The following CLCN5 variants were observed in gnomAD, a reference collection of about 807,000 sequenced individuals.
CLCN5 encodes H(+)/Cl(-) exchange transporter 5.
A neutral mutation model predicts 54.0 loss-of-function variants in CLCN5; 17 were observed. The ratio of observed to expected loss-of-function variants is 0.31; its 90% CI spans 0.22 to 0.47. The LOEUF is 0.47. CLCN5 is among the 20% of genes least tolerant of loss of function. The pLI, the probability that CLCN5 is intolerant of heterozygous loss-of-function variation, is 1.00. For missense variants in CLCN5, 448 were observed against 646.7 expected, an observed-to-expected ratio of 0.69 and a Z score of 3.33; for synonymous variants, 222 against 233.0, an observed-to-expected ratio of 0.95 and a Z score of 0.43.
intron 3 of CLCN5, among the ~76,000 whole-genome samples, chrX:49,998,570 G>C (rs1237878427): frequency 9.0e-6 from 1 of 111,336 alleles, no homozygotes; most frequent in East Asian, 2.8e-4. Flanking sequence ...CAAAGTGTCA[G>C]AGTGTGGATT....
intron 4 of CLCN5, chrX:50,069,579 C>T (rs1933152835): frequency 2.4e-6 from 2 of 826,546 alleles, no homozygotes; most frequent in African/African-American, 4.4e-5. Context: ...GCTCCAACCT[C>T]CTTTTTGTCT....
chrX:50,090,543 A>C (rs1934056942), intron 13 of CLCN5, 29 bp downstream of exon 13: 1 of 1,187,487 alleles, frequency 8.4e-7, no homozygotes, highest in Non-Finnish European at 1.1e-6. Flanking sequence ...GGATAGTGGA[A>C]TCCACTGTGG....
chrX:49,941,678 A>T (rs1169230632), intron 3 of CLCN5, among the ~76,000 whole-genome samples: 1 of 110,957 alleles, frequency 9.0e-6, no homozygotes, highest in Non-Finnish European at 1.9e-5. Context: ...CTGCAAACCA[A>T]ACTCCAGGCA....
At chrX:49,958,387 T>C (rs1393333618) in intron 3 of CLCN5, among the ~76,000 whole-genome samples, 1 of 111,654 alleles carries the variant, frequency 9.0e-6, no homozygotes, top group Non-Finnish European at 1.9e-5. Context: ...CTGTCTCATA[T>C]GAACATATTC....
At chrX:49,950,606 TAC>T in intron 3 of CLCN5, among the ~76,000 whole-genome samples, 1 of 111,811 alleles carries the variant, frequency 8.9e-6, no homozygotes, top group East Asian at 2.8e-4. Context: ...AAGTGTAAAA[TAC>T]ACACCAGATT....
intron 3 of CLCN5, among the ~76,000 whole-genome samples, chrX:49,945,727 T>C (rs1601964915): frequency 9.6e-6 from 1 of 103,996 alleles, no homozygotes; most frequent in African/African-American, 3.5e-5. Flanking sequence ...GTGCTGGCAT[T>C]ACAGGCATGA....
At chrX:50,070,123 C>A in intron 5 of CLCN5, 93 bp downstream of exon 5, 2 of 859,765 alleles carry the variant, frequency 2.3e-6, no homozygotes, top group Non-Finnish European at 3.3e-6. Context: ...TTTCTTCAGC[C>A]CTGGATGTGA....
intron 3 of CLCN5, among the ~76,000 whole-genome samples, chrX:49,972,257 C>T (rs917967965): frequency 9.1e-6 from 1 of 109,805 alleles, no homozygotes; most frequent in African/African-American, 3.3e-5. Context: ...GAGACATTCT[C>T]TTACACAACT....
chrX:49,962,255 G>A (rs191861527), intron 3 of CLCN5, among the ~76,000 whole-genome samples: 1 of 111,863 alleles, frequency 8.9e-6, no homozygotes, highest in Non-Finnish European at 1.9e-5. Context: ...TAAATAAAAA[G>A]GCAGCTTCTG....
At chrX:50,078,007 G>A (rs1465680252) in intron 7 of CLCN5, among the ~76,000 whole-genome samples, 9 of 97,593 alleles carry the variant, frequency 9.2e-5, no homozygotes, top group Non-Finnish European at 1.4e-4. Flanking sequence ...CAGCCTGGGC[G>A]ACAGAGCAAG....
In CLCN5 at chrX:50,094,619, A is replaced by G. The variant is rs1403828758; in HGVS notation, c.*2400A>G. ...CCAGTGTTAAGGTGCTACTTCAGAG[A>G]ATAAATTAGAGAAATCAGATAACAC... On this transcript the variant is annotated 3_prime_UTR_variant, in exon 15 of 15. Coordinates refer to ENST00000376091, the MANE Select transcript of CLCN5 (RefSeq NM_001127898.4). 1 of 112,434 alleles carries G rather than the reference A, an allele frequency of 8.9e-6. No individual in the cohort carries two copies. The highest frequency in any genetic ancestry group is 4.2e-3 in the Middle Eastern group (1 of 240). 9.3% of individuals were successfully genotyped at this position (112,434 alleles called of 1,213,427 possible).
At chrX:50,040,352 G>A (rs782771765) in intron 3 of CLCN5, among the ~76,000 whole-genome samples, 5 of 111,937 alleles carry the variant, frequency 4.5e-5, no homozygotes, top group African/African-American at 1.6e-4. Context: ...AGCTGAGGAA[G>A]TTGTTTTATG....
chrX:50,063,144 G>T lies in CLCN5; in HGVS notation c.164-6735G>T, dbSNP rs1932889470. 4.0e-5 allele frequency among the ~76,000 whole-genome samples: 4 copies of T among 100,815 alleles called. No individual in the cohort carries two copies. The South Asian group carries it at 1.9e-3, about 48-fold the overall frequency. 87.5% of individuals were successfully genotyped at this position (100,815 alleles called of 115,157 possible). ...ACATTCAAAAGCTAGCAGAAGGCAA[G>T]AAATAACTAAAATCAGAGCAGAACT... On this transcript the variant is annotated intron_variant, in intron 4 of 14. Coordinates refer to ENST00000376091, the MANE Select transcript of CLCN5 (RefSeq NM_001127898.4).
At chrX:50,080,813 A>G in intron 8 of CLCN5, 97 bp downstream of exon 8, 1 of 733,018 alleles carries the variant, frequency 1.4e-6, no homozygotes, top group Non-Finnish European at 2.1e-6. Context: ...CAATTTGATG[A>G]ATGTTAAACA....
At chrX:49,924,743 A>T (rs782113733) in intron 2 of CLCN5, among the ~76,000 whole-genome samples, 2 of 111,201 alleles carry the variant, frequency 1.8e-5, no homozygotes, top group Non-Finnish European at 3.8e-5. Flanking sequence ...CCTATACAAG[A>T]TCTGTTTCCA....
chrX:49,960,912 C>T (rs1005286542), intron 3 of CLCN5, among the ~76,000 whole-genome samples: 5 of 111,502 alleles, frequency 4.5e-5, no homozygotes, highest in Non-Finnish European at 9.4e-5. Context: ...GCCATCTATA[C>T]TTCCTTATCT....
chrX:50,013,735 T>C (rs1557183041), intron 3 of CLCN5, among the ~76,000 whole-genome samples: 1 of 112,363 alleles, frequency 8.9e-6, no homozygotes, highest in East Asian at 2.8e-4. Context: ...TCTCCTAGCC[T>C]TGCAGCCTAG....
intron 3 of CLCN5, among the ~76,000 whole-genome samples, chrX:49,928,762 AAAT>A (rs1557168424): frequency 9.0e-6 from 1 of 111,546 alleles, no homozygotes. Flanking sequence ...CGCCTCTACT[AAAT>A]ATACAAAAAG....
chrX:50,041,086 T>C (rs1342501469), intron 3 of CLCN5, among the ~76,000 whole-genome samples: 1 of 112,318 alleles, frequency 8.9e-6, no homozygotes, highest in African/African-American at 3.2e-5. Context: ...AATTGACATG[T>C]ACCTGGTAAA....
Sources: allele counts gnomAD v4.1 joint callset (sites outside exome capture counted in the v4.1 genomes callset), GRCh38; gene constraint gnomAD v4.1.1; transcripts MANE v1.5; gene names NCBI Gene and HGNC (gene_info 2026-07-23, HGNC 2026-07-21).